The following C7 variants were observed in gnomAD, a reference collection of about 807,000 sequenced individuals.
C7 encodes the protein complement component C7.
Under a neutral mutation model 104.8 loss-of-function variants are expected in C7, and 83 were observed. The observed-to-expected ratio is 0.79, with a 90% CI of 0.66 to 0.95. C7 has a LOEUF of 0.95. Among genes scored for constraint, C7 ranks in the 40% least tolerant of loss-of-function variants. C7 has a pLI of 0.00. For synonymous variants in C7, 415 were observed against 360.6 expected (o/e 1.15, Z -1.71); for missense variants, 1,070 against 1,011.2 (o/e 1.06, Z -0.79).
intron 4 of C7, among the ~76,000 whole-genome samples, chr5:40,934,802 A>G (rs1739780225): frequency 6.6e-6 from 1 of 152,192 alleles, no homozygotes; most frequent in African/African-American, 2.4e-5. Context: ...GACGAAAACA[A>G]TGTTACTGCC....
intron 6 of C7, among the ~76,000 whole-genome samples, chr5:40,943,049 G>A (rs1342565883): frequency 6.6e-6 from 1 of 152,138 alleles, no homozygotes; most frequent in Admixed American, 6.5e-5. Flanking sequence ...GGCATAAGCC[G>A]CCACGCCCAT....
At position 40,909,957 on chromosome 5, in the gene C7, A is replaced by G. The variant is rs1391579610; in HGVS notation, c.6+341A>G. Among the ~76,000 whole-genome samples the G allele has an allele frequency of 4.0e-5, 6 of 151,402 alleles. No homozygotes were observed. The Admixed American group carries it at 4.0e-4, about 10-fold the overall frequency. On this transcript the variant is annotated intron_variant, in intron 1 of 17. Coordinates refer to ENST00000313164, the MANE Select transcript of C7 (RefSeq NM_000587.4). ...TAGTACTATTGTTATTTCTTGGGAAAAACTTTCCTCTGGTGTATTTTTTTT... is the reference window on the plus strand; with the variant it reads ...TAGTACTATTGTTATTTCTTGGGAAGAACTTTCCTCTGGTGTATTTTTTTT...
At chr5:40,921,316 A>C (rs969450996) in intron 1 of C7, among the ~76,000 whole-genome samples, 3 of 152,160 alleles carry the variant, frequency 2.0e-5, no homozygotes, top group African/African-American at 7.2e-5. Context: ...AAGAGAACAC[A>C]AAAAAGGAAA....
At position 40,959,489 on chromosome 5, in the gene C7, C is replaced by A. The variant is rs1294146854; in HGVS notation, c.1530C>A (p.Ser510Arg). The A allele has an allele frequency of 2.5e-6, 4 of 1,611,066 alleles. No individual in the cohort carries two copies. Among genetic ancestry groups the A allele is most frequent in the Non-Finnish European group, 3.4e-6 (4 of 1,179,176 alleles). ...GTTGGAGTTGCTGGTCCTCTTGGAGCCCCTGTGTCCAAGGGAAGAAAACAA... is the reference window on the plus strand; with the variant it reads ...GTTGGAGTTGCTGGTCCTCTTGGAGACCCTGTGTCCAAGGGAAGAAAACAA... Reference protein sequence around the residue: ...DGGWSCWSSWSPCVQGKKTRS... With the variant: ...DGGWSCWSSWRPCVQGKKTRS... The change falls in exon 12 of 18, where the codon AGC (serine) becomes AGA (arginine). Residue 510 changes from serine to arginine, a missense_variant. Transcript: ENST00000313164.
chr5:40,936,496 G>A lies in C7; in HGVS notation c.428+11G>A, dbSNP rs1056733608. ...ACTTACTGGAAATGGGTAAGGTGCT[G>A]GGCAGCCTCCTGAGTACATCAGTGA... is the stretch of plus-strand genomic sequence containing the variant. On this transcript the variant is annotated intron_variant, in intron 5 of 17. Coordinates refer to ENST00000313164, the MANE Select transcript of C7 (RefSeq NM_000587.4). 1.2e-6 allele frequency: 2 copies of A among 1,611,108 alleles called. No individual in the cohort carries two copies. The highest frequency in any genetic ancestry group is 1.7e-6 in the Non-Finnish European group (2 of 1,178,514).
At chr5:40,929,780 G>A (rs974255289) in intron 2 of C7, among the ~76,000 whole-genome samples, 7 of 152,166 alleles carry the variant, frequency 4.6e-5, no homozygotes, top group African/African-American at 1.7e-4. Flanking sequence ...TAGTGGAGCT[G>A]TTTAAGCTCA....
intron 1 of C7, among the ~76,000 whole-genome samples, chr5:40,910,060 T>C (rs1739175651): frequency 6.8e-6 from 1 of 146,918 alleles, no homozygotes. Context: ...GAAAAGCAAA[T>C]TTGCAGGCTT....
chr5:40,918,707 A>G (rs1739377156), intron 1 of C7, among the ~76,000 whole-genome samples: 1 of 152,012 alleles, frequency 6.6e-6, no homozygotes, highest in Non-Finnish European at 1.5e-5. Context: ...AAGTAAGGAC[A>G]TTATATGATG....
rs1175177542 is a variant in C7 at position 40,982,471 on chromosome 5, A to T, written c.*898A>T. ...AATACTTACTCTTGTCGGGAGATTGAACCACTAAAATGTTAGAGCAGAATT... is the reference window on the plus strand; with the variant it reads ...AATACTTACTCTTGTCGGGAGATTGTACCACTAAAATGTTAGAGCAGAATT... On this transcript the variant is annotated 3_prime_UTR_variant, in exon 18 of 18. Transcript: ENST00000313164. 6.6e-6 allele frequency: 1 copy of T among 152,356 alleles called. No individual in the cohort carries two copies. Among genetic ancestry groups the T allele is most frequent in the Non-Finnish European group, 1.5e-5 (1 of 68,056 alleles). 9.4% of individuals were successfully genotyped at this position (152,356 alleles called of 1,614,324 possible). A position where few individuals can be genotyped will look rare whatever the true frequency, so the allele number is the denominator to read the frequency against.
rs776854001 is a variant in C7 at position 40,934,328 on chromosome 5, C to G, written c.142C>G (p.Arg48Gly). 1 of 1,591,586 alleles carries G rather than the reference C, an allele frequency of 6.3e-7. No individual in the cohort carries two copies. Among genetic ancestry groups the G allele is most frequent in the East Asian group, 2.3e-5 (1 of 44,358 alleles). ...ECNGCTKTQT[R>G]RRSVAVYGQY... ...CCACTGCCTGCTTTGTGTTTAGACTCGCAGGCGGTCAGTTGCTGTGTATGG... is the reference window on the plus strand; with the variant it reads ...CCACTGCCTGCTTTGTGTTTAGACTGGCAGGCGGTCAGTTGCTGTGTATGG... The change falls in exon 4 of 18, where the codon CGC becomes GGC. Residue 48 changes from arginine (R) to glycine (G), a missense_variant. Coordinates refer to ENST00000313164, the MANE Select transcript of C7 (RefSeq NM_000587.4).
intron 9 of C7, chr5:40,954,913 A>G: frequency 8.3e-6 from 2 of 240,670 alleles, no homozygotes; most frequent in Non-Finnish European, 7.9e-6. Flanking sequence ...AAAGAAAACC[A>G]CCAAAAATAA....
At chr5:40,977,528 A>T (rs1740844697) in intron 16 of C7, among the ~76,000 whole-genome samples, 1 of 152,172 alleles carries the variant, frequency 6.6e-6, no homozygotes, top group African/African-American at 2.4e-5. Flanking sequence ...TTCAGGAAAA[A>T]CTGGAGACAG....
rs373733323 is a variant in C7, at chr5:40,937,374, T to C, written c.429-178T>C. 848 of 423,560 alleles carry C rather than the reference T, an allele frequency of 2.0e-3. 40 individuals are homozygous for C. The South Asian group carries it at 0.063, about 31-fold the overall frequency. 26.2% of individuals were successfully genotyped at this position (423,560 alleles called of 1,614,324 possible). On this transcript the variant is annotated intron_variant, in intron 5 of 17. Coordinates refer to ENST00000313164, the MANE Select transcript of C7 (RefSeq NM_000587.4). The stretch of plus-strand genomic sequence containing the variant: ...ATACCAAGCAGGGGAAGCTGGATAA[T>C]GTATGGTGTGTATTAGGATGCTGTG...
At chr5:40,971,784 C>T (rs1462920583) in intron 14 of C7, among the ~76,000 whole-genome samples, 2 of 152,026 alleles carry the variant, frequency 1.3e-5, no homozygotes, top group Non-Finnish European at 2.9e-5. Flanking sequence ...GGAAGGGGTC[C>T]AGTTTCTGTT....
At chr5:40,941,953 T>C (rs1739949026) in intron 6 of C7, among the ~76,000 whole-genome samples, 1 of 151,686 alleles carries the variant, frequency 6.6e-6, no homozygotes, top group Admixed American at 6.6e-5. Context: ...TAGAAGGAGA[T>C]GCGTAAAGGA....
At chr5:40,927,217 C>A (rs909414996) in intron 1 of C7, among the ~76,000 whole-genome samples, 4 of 151,942 alleles carry the variant, frequency 2.6e-5, no homozygotes, top group African/African-American at 9.7e-5. Flanking sequence ...TTAAATAGGA[C>A]CCTTATCTAG....
intron 12 of C7, among the ~76,000 whole-genome samples, chr5:40,961,057 C>G (rs1251910187): frequency 2.0e-5 from 3 of 152,288 alleles, no homozygotes; most frequent in Admixed American, 6.5e-5. Flanking sequence ...AATGTGCTTT[C>G]AGTTATACAC....
chr5:40,931,653 A>T (rs1219934517), intron 3 of C7, among the ~76,000 whole-genome samples: 1 of 152,268 alleles, frequency 6.6e-6, no homozygotes, highest in East Asian at 1.9e-4. Flanking sequence ...CTTAATGTGG[A>T]TATTATAAAA....
chr5:40,937,583 A>G lies in C7; in HGVS notation c.460A>G (p.Arg154Gly). The G allele has an allele frequency of 6.2e-7, 1 of 1,612,314 alleles. No homozygotes were observed. The highest frequency in any genetic ancestry group is 8.5e-7 in the Non-Finnish European group (1 of 1,178,972). ...YNELTGQFRN[R>G]VINTKSFGGQ... ...TGAACTCACTGGCCAGTTTAGGAAC[A>G]GAGTCATCAATACCAAAAGTTTTGG... Residue 154 changes from arginine to glycine, a missense_variant, in exon 6 of 18, where the codon AGA becomes GGA. Coordinates refer to ENST00000313164, the MANE Select transcript of C7 (RefSeq NM_000587.4).
Sources: allele counts gnomAD v4.1 joint callset (sites outside exome capture counted in the v4.1 genomes callset), GRCh38; gene constraint gnomAD v4.1.1; transcripts MANE v1.5; gene names NCBI Gene and HGNC (gene_info 2026-07-23, HGNC 2026-07-21).